The following COL11A1 variants were observed in gnomAD, a reference collection of about 807,000 sequenced individuals.
The protein encoded by COL11A1 is collagen type XI alpha 1 chain, also known as collagen alpha-1(XI) chain.
COL11A1 carries 74 observed loss-of-function variants against 265.2 expected under a neutral mutation model. The observed-to-expected ratio is 0.28, with a 90% CI of 0.23 to 0.34. COL11A1 has a LOEUF of 0.34. Ranked by LOEUF, COL11A1 falls within the 10% of genes least tolerant of loss-of-function variation. The pLI is 1.00. For missense variants in COL11A1, 2,165 were observed against 2,263.6 expected, an observed-to-expected ratio of 0.96 and a Z score of 0.88; for synonymous variants, 816 against 727.6, an observed-to-expected ratio of 1.12 and a Z score of -1.96.
In COL11A1 at chr1:102,979,062, T is replaced by C; in HGVS notation, c.2653A>G (p.Thr885Ala). 2 of 1,614,152 alleles carry C rather than the reference T, an allele frequency of 1.2e-6. No individual in the cohort carries two copies. The highest frequency in any genetic ancestry group is 1.6e-4 in the Middle Eastern group (1 of 6,062). ...KPGPRGQRGP[T>A]GPRGSRGARG... is the part of the protein sequence containing the mutation. Reference sequence around the variant, plus strand: ...TCATTTTAAATCAAGGCACCTACCGTTGGACCACGCTGACCCCGAGGGCCT... The same window carrying C: ...TCATTTTAAATCAAGGCACCTACCGCTGGACCACGCTGACCCCGAGGGCCT... The change falls in exon 33 of 67, where the codon ACG becomes GCG. Residue 885 changes from threonine to alanine, a missense_variant and splice_region_variant. Coordinates refer to ENST00000370096, the MANE Select transcript of COL11A1 (RefSeq NM_001854.4).
intron 29 of COL11A1, among the ~76,000 whole-genome samples, chr1:102,988,189 A>T (rs529173470): frequency 5.9e-5 from 9 of 152,250 alleles, no homozygotes; most frequent in African/African-American, 1.9e-4. Context: ...GACTCCACTC[A>T]GACCCATGAT....
At chr1:102,992,311 A>T (rs1664218806) in intron 28 of COL11A1, among the ~76,000 whole-genome samples, 1 of 152,124 alleles carries the variant, frequency 6.6e-6, no homozygotes, top group Admixed American at 6.6e-5. Context: ...GTTTTAGAAG[A>T]TGTATAAAAG....
intron 44 of COL11A1, among the ~76,000 whole-genome samples, chr1:102,936,649 A>G (rs909098925): frequency 3.9e-5 from 6 of 152,198 alleles, no homozygotes; most frequent in Non-Finnish European, 2.9e-5. Context: ...TTGTGTCAAC[A>G]CTTTGAGGAC....
At chr1:102,892,994 A>G (rs981238829) in intron 57 of COL11A1, among the ~76,000 whole-genome samples, 16 of 152,180 alleles carry the variant, frequency 1.1e-4, no homozygotes, top group Admixed American at 7.2e-4. Context: ...TAAATCTCAG[A>G]CAAAAAGACC....
intron 1 of COL11A1, 37 bp downstream of exon 1, chr1:103,108,036 G>C: frequency 2.0e-6 from 3 of 1,498,500 alleles, no homozygotes; most frequent in Non-Finnish European, 2.8e-6. Flanking sequence ...TAGGACCGAC[G>C]GCAATCTCCC....
At chr1:103,078,613 A>G in intron 3 of COL11A1, 45 bp downstream of exon 3, 1 of 1,563,764 alleles carries the variant, frequency 6.4e-7, no homozygotes, top group Non-Finnish European at 8.8e-7. Flanking sequence ...GAATAAAAAA[A>G]ATGATTTTGG....
chr1:103,054,277 T>C (rs1216415352), intron 4 of COL11A1, among the ~76,000 whole-genome samples: 2 of 152,180 alleles, frequency 1.3e-5, no homozygotes, highest in Non-Finnish European at 2.9e-5. Context: ...ACAGCTACAT[T>C]GCGAAATGCA....
chr1:102,988,073 T>C (rs111686332), intron 29 of COL11A1, among the ~76,000 whole-genome samples: 1 of 152,112 alleles, frequency 6.6e-6, no homozygotes, highest in Non-Finnish European at 1.5e-5. Flanking sequence ...AAAGTTACAA[T>C]GTTTATAACT....
At chr1:102,930,685 A>C (rs1657302838) in intron 46 of COL11A1, among the ~76,000 whole-genome samples, 1 of 151,990 alleles carries the variant, frequency 6.6e-6, no homozygotes, top group Non-Finnish European at 1.5e-5. Flanking sequence ...TCCTCCTTGT[A>C]CCTCTGGTAG....
intron 46 of COL11A1, among the ~76,000 whole-genome samples, chr1:102,927,999 C>T (rs1430536596): frequency 5.3e-5 from 8 of 152,048 alleles, no homozygotes; most frequent in South Asian, 4.2e-4. Context: ...TCTCCAGATC[C>T]GCCCCTGTCT....
At chr1:103,050,494 C>G (rs1221798470) in intron 4 of COL11A1, among the ~76,000 whole-genome samples, 2 of 152,050 alleles carry the variant, frequency 1.3e-5, no homozygotes, top group South Asian at 2.1e-4. Context: ...TTCTAGTTAT[C>G]CATTCGTCTA....
Position 103,074,701 on chromosome 1 carries a change from G to A in COL11A1, c.568C>T (p.Leu190Phe). The A allele has an allele frequency of 6.2e-7, 1 of 1,613,198 alleles. No individual in the cohort carries two copies. Among genetic ancestry groups the A allele is most frequent in the Non-Finnish European group, 8.5e-7 (1 of 1,179,580 alleles). Residue 190 changes from leucine (L) to phenylalanine (F), a missense_variant, in exon 4 of 67, where the codon CTT becomes TTT. Transcript: ENST00000370096. ...VDCKKKTTKP[L>F]DRSERAIVDT... is the part of the protein sequence containing the mutation. ...ACAATTGCTCTCTCACTTCTATCAA[G>A]TGGTTTCGTGGTTTTCTTCTTACAA...
chr1:103,076,608 C>T (rs529534204), intron 3 of COL11A1, among the ~76,000 whole-genome samples: 1 of 152,260 alleles, frequency 6.6e-6, no homozygotes, highest in African/African-American at 2.4e-5. Context: ...TATTCTCTCA[C>T]TTCCTTTGTG....
intron 54 of COL11A1, among the ~76,000 whole-genome samples, chr1:102,900,920 C>A (rs911765301): frequency 2.0e-5 from 3 of 151,880 alleles, no homozygotes; most frequent in Non-Finnish European, 4.4e-5. Context: ...AGAAAAATGA[C>A]GACAAAAGCA....
intron 13 of COL11A1, among the ~76,000 whole-genome samples, chr1:103,013,031 T>C (rs1232990507): frequency 6.6e-6 from 1 of 152,136 alleles, no homozygotes. Flanking sequence ...GCACTATTGT[T>C]ACACTGAATA....
At chr1:103,068,832 TA>T (rs371961383) in intron 4 of COL11A1, among the ~76,000 whole-genome samples, 11 of 148,412 alleles carry the variant, frequency 7.4e-5, no homozygotes, top group Non-Finnish European at 7.5e-5. Context: ...ACTCTAGCAC[TA>T]AAAAAAAATA....
chr1:102,910,792 G>A (rs1654576415), intron 54 of COL11A1, among the ~76,000 whole-genome samples: 1 of 152,022 alleles, frequency 6.6e-6, no homozygotes, highest in Non-Finnish European at 1.5e-5. Flanking sequence ...GTAATAACTG[G>A]TGTAGCTGGG....
rs112984259 is a variant in COL11A1, at chr1:102,913,477, T to C, written c.4032+160A>G. Among the ~76,000 whole-genome samples, 98 of 152,300 alleles carry C rather than the reference T, an allele frequency of 6.4e-4. 1 individual carries two copies. Among genetic ancestry groups the C allele is most frequent in the Non-Finnish European group, 2.1e-4 (14 of 68,012 alleles). On this transcript the variant is annotated intron_variant, in intron 53 of 66. Coordinates refer to ENST00000370096, the MANE Select transcript of COL11A1 (RefSeq NM_001854.4). The stretch of plus-strand genomic sequence containing the variant: ...CAAATAAGAAACACTCCATGTAAGA[T>C]TGATTTTTAATGGGAATTCAAAAAT...
chr1:102,976,095 T>TTAA (rs1281729317), intron 35 of COL11A1, among the ~76,000 whole-genome samples: 1 of 152,048 alleles, frequency 6.6e-6, no homozygotes, highest in Non-Finnish European at 1.5e-5. Flanking sequence ...TTTTTAAAAA[T>TTAA]AGTATTCTTT....
Sources: gnomAD v4.1 joint callset for allele counts (sites outside exome capture counted in the v4.1 genomes callset) on GRCh38, gnomAD v4.1.1 for gene constraint, MANE v1.5 for transcripts, NCBI Gene and HGNC (gene_info 2026-07-23, HGNC 2026-07-21) for gene names.